RAD18: variants seen among roughly 807,000 people sequenced by gnomAD.
RAD18 encodes the protein E3 ubiquitin-protein ligase RAD18.
RAD18 carries 47 observed loss-of-function variants against 60.4 expected under a neutral mutation model. The ratio of observed to expected loss-of-function variants is 0.78; its 90% CI spans 0.62 to 0.99. The LOEUF (loss-of-function observed/expected upper bound fraction) is 0.99, where lower values mean the gene tolerates loss of function less well. Ranked by LOEUF, RAD18 falls within the 50% of genes least tolerant of loss-of-function variation. The pLI is 0.00. For missense variants in RAD18, 640 were observed against 593.3 expected (o/e 1.08, Z -0.82); for synonymous variants, 225 against 195.5 (o/e 1.15, Z -1.26).
chr3:8,924,125 T>G (rs981266123), intron 7 of RAD18, among the ~76,000 whole-genome samples: 2 of 152,036 alleles, frequency 1.3e-5, no homozygotes, highest in Non-Finnish European at 2.9e-5. Flanking sequence ...GCAAATTGGA[T>G]AAAGAGTCAA....
chr3:8,904,252 A>G (rs1019541245), intron 9 of RAD18, among the ~76,000 whole-genome samples: 3 of 152,204 alleles, frequency 2.0e-5, no homozygotes, highest in Non-Finnish European at 4.4e-5. Flanking sequence ...ATAAAAACAC[A>G]TGTTCATTTT....
chr3:8,913,990 G>A lies in RAD18; in HGVS notation c.890-270C>T, dbSNP rs531797024. 1.2e-4 allele frequency among the ~76,000 whole-genome samples: 19 copies of A among 152,194 alleles called. No individual in the cohort carries two copies. In the East Asian group the frequency reaches 3.7e-3, roughly 29 times the overall value. ...GTCAAGTCATTTTGCTTTCTCCTTT[G>A]AATATACAGGTCTAAACAGAAGTCT... On this transcript the variant is annotated intron_variant, in intron 7 of 12. Coordinates refer to ENST00000264926, the MANE Select transcript of RAD18 (RefSeq NM_020165.4).
chr3:8,917,246 A>T (rs1351190831), intron 7 of RAD18, among the ~76,000 whole-genome samples: 1 of 152,234 alleles, frequency 6.6e-6, no homozygotes, highest in Non-Finnish European at 1.5e-5. Flanking sequence ...AAACTTTCTG[A>T]GGAAATCATA....
At chr3:8,884,566 C>T (rs1027340835) in intron 12 of RAD18, among the ~76,000 whole-genome samples, 11 of 152,086 alleles carry the variant, frequency 7.2e-5, no homozygotes, top group Non-Finnish European at 2.9e-5. Context: ...CTTTTAACTT[C>T]TATTTTATCA....
At chr3:8,956,713 G>A (rs1450794313) in intron 2 of RAD18, among the ~76,000 whole-genome samples, 2 of 130,208 alleles carry the variant, frequency 1.5e-5, no homozygotes, top group Non-Finnish European at 3.0e-5. Flanking sequence ...CATAACTGCA[G>A]AAAATACTTG....
At chr3:8,906,368 G>C (rs1940001356) in intron 9 of RAD18, among the ~76,000 whole-genome samples, 1 of 151,952 alleles carries the variant, frequency 6.6e-6, no homozygotes, top group South Asian at 2.1e-4. Context: ...CTCCAGCTAT[G>C]ACCCTATTTT....
chr3:8,925,678 C>A (rs1312992245), intron 7 of RAD18, among the ~76,000 whole-genome samples: 6 of 152,168 alleles, frequency 3.9e-5, no homozygotes, highest in Admixed American at 1.3e-4. Flanking sequence ...TATTGGCAAA[C>A]CGAATCCAGC....
intron 11 of RAD18, among the ~76,000 whole-genome samples, chr3:8,895,523 C>G (rs745433961): frequency 1.9e-4 from 29 of 152,130 alleles, no homozygotes; most frequent in Non-Finnish European, 2.9e-4. Flanking sequence ...ATATATTTGT[C>G]TTCCTTACTG....
rs143478099 is a variant in RAD18 at position 8,916,501 on chromosome 3, C to G, written c.890-2781G>C. Reference sequence around the variant, plus strand: ...TTAAAAAAAAGTCTGGCACCTCAGACTCTTACCTACACTGTCTGGCTTTCA... The same window carrying G: ...TTAAAAAAAAGTCTGGCACCTCAGAGTCTTACCTACACTGTCTGGCTTTCA... On this transcript the variant is annotated intron_variant, in intron 7 of 12. Coordinates refer to ENST00000264926, the MANE Select transcript of RAD18 (RefSeq NM_020165.4). Among the ~76,000 whole-genome samples, 587 of 152,264 alleles carry G rather than the reference C, an allele frequency of 3.9e-3. 3 individuals carry two copies. Among genetic ancestry groups the G allele is most frequent in the Non-Finnish European group, 5.7e-3 (386 of 68,022 alleles).
chr3:8,910,217 T>C (rs1376353904), intron 9 of RAD18, among the ~76,000 whole-genome samples: 1 of 152,188 alleles, frequency 6.6e-6, no homozygotes, highest in Non-Finnish European at 1.5e-5. Flanking sequence ...TGTAAATGTA[T>C]TGGAAAGTGA....
At chr3:8,892,173 C>T (rs923047503) in intron 11 of RAD18, among the ~76,000 whole-genome samples, 1 of 152,154 alleles carries the variant, frequency 6.6e-6, no homozygotes. Flanking sequence ...AGAGCATATA[C>T]AAGCCTACAC....
At chr3:8,895,800 A>G (rs1282545741) in intron 11 of RAD18, among the ~76,000 whole-genome samples, 2 of 152,208 alleles carry the variant, frequency 1.3e-5, no homozygotes, top group Non-Finnish European at 2.9e-5. Context: ...TTTGTTGTGT[A>G]GTCTTCTAGT....
chr3:8,955,713 G>A (rs984465119), intron 2 of RAD18, among the ~76,000 whole-genome samples: 1 of 152,182 alleles, frequency 6.6e-6, no homozygotes, highest in Non-Finnish European at 1.5e-5. Context: ...GAGAAAAACA[G>A]CAGCTAATGA....
chr3:8,927,898 T>A (rs1575550987), intron 7 of RAD18, among the ~76,000 whole-genome samples: 1 of 124,068 alleles, frequency 8.1e-6, no homozygotes, highest in Non-Finnish European at 1.6e-5. Context: ...CATCACACAC[T>A]GGGGCCTGTT....
At chr3:8,959,365 C>T (rs1433604967) in intron 1 of RAD18, among the ~76,000 whole-genome samples, 1 of 152,244 alleles carries the variant, frequency 6.6e-6, no homozygotes, top group Non-Finnish European at 1.5e-5. Flanking sequence ...CAACACCTAG[C>T]CTATAGTCAC....
At chr3:8,907,424 A>G (rs1444213059) in intron 9 of RAD18, among the ~76,000 whole-genome samples, 2 of 152,220 alleles carry the variant, frequency 1.3e-5, no homozygotes, top group African/African-American at 4.8e-5. Flanking sequence ...TCCTTGAGAT[A>G]CAGAATGGCT....
chr3:8,947,400 A>G (rs1229490217), intron 3 of RAD18, 110 bp from the exon 4 acceptor site: 8 of 805,810 alleles, frequency 9.9e-6, no homozygotes, highest in Non-Finnish European at 6.2e-6. Context: ...CCATCCCACT[A>G]AGTCTTCTAA....
At chr3:8,937,078 T>A (rs1940666147) in intron 6 of RAD18, among the ~76,000 whole-genome samples, 1 of 152,154 alleles carries the variant, frequency 6.6e-6, no homozygotes, top group African/African-American at 2.4e-5. Flanking sequence ...CTGCAAACTC[T>A]CAATAGATTA....
intron 7 of RAD18, among the ~76,000 whole-genome samples, chr3:8,928,734 G>A (rs1467946391): frequency 6.6e-6 from 1 of 152,194 alleles, no homozygotes; most frequent in Non-Finnish European, 1.5e-5. Flanking sequence ...CAAGGATGCT[G>A]AAGACTTGAA....
Sources: allele counts gnomAD v4.1 joint callset (sites outside exome capture counted in the v4.1 genomes callset), GRCh38; gene constraint gnomAD v4.1.1; transcripts MANE v1.5; gene names NCBI Gene and HGNC (gene_info 2026-07-23, HGNC 2026-07-21).